PLXNA4: variants seen among roughly 807,000 people sequenced by gnomAD.
PLXNA4 encodes plexin A4.
Under a neutral mutation model 191.8 loss-of-function variants are expected in PLXNA4, and 44 were observed. The ratio of observed to expected loss-of-function variants is 0.23; its 90% CI spans 0.18 to 0.29. The LOEUF is 0.29. Ranked by LOEUF, PLXNA4 falls within the 10% of genes least tolerant of loss-of-function variation. PLXNA4 has a pLI of 1.00. For missense variants in PLXNA4, 1,800 were observed against 2,488.8 expected (o/e 0.72, Z 5.89); for synonymous variants, 1,082 against 1,009.5 (o/e 1.07, Z -1.36).
At chr7:132,336,162 C>G (rs1035412121) in intron 3 of PLXNA4, among the ~76,000 whole-genome samples, 4 of 152,214 alleles carry the variant, frequency 2.6e-5, no homozygotes, top group Non-Finnish European at 5.9e-5. Flanking sequence ...CTTCTGCTCT[C>G]TAAGTATTCT....
chr7:132,165,008 C>A, intron 23 of PLXNA4, 126 bp downstream of exon 23: 1 of 1,381,840 alleles, frequency 7.2e-7, no homozygotes, highest in Non-Finnish European at 9.7e-7. Context: ...AGGATGAATT[C>A]CATTTCTTGT....
In PLXNA4 at chr7:132,156,886, G is replaced by A. The variant is rs187789760; in HGVS notation, c.4660+2587C>T. 3.9e-5 allele frequency among the ~76,000 whole-genome samples: 6 copies of A among 152,304 alleles called. No homozygotes were observed. In the East Asian group the frequency reaches 1.2e-3, roughly 29 times the overall value. On this transcript the variant is annotated intron_variant, in intron 25 of 31. Coordinates refer to ENST00000321063, the MANE Select transcript of PLXNA4 (RefSeq NM_020911.2). ...TAGCTTTGGTAAGAAGAAGCCTAGA[G>A]CTTTGTAAGCAGCTCTAAACTCTAG...
At chr7:132,308,509 A>G (rs1801610440) in intron 3 of PLXNA4, among the ~76,000 whole-genome samples, 1 of 152,122 alleles carries the variant, frequency 6.6e-6, no homozygotes, top group Non-Finnish European at 1.5e-5. Flanking sequence ...TCCTTCTGAC[A>G]CCTGGCAGAT....
intron 1 of PLXNA4, among the ~76,000 whole-genome samples, chr7:132,539,181 C>T (rs1799968586): frequency 6.6e-6 from 1 of 152,188 alleles, no homozygotes; most frequent in South Asian, 2.1e-4. Flanking sequence ...AAGAGATTGA[C>T]AGTGGAGTAC....
intron 4 of PLXNA4, among the ~76,000 whole-genome samples, chr7:132,288,424 G>T (rs1346134703): frequency 6.6e-6 from 1 of 152,180 alleles, no homozygotes; most frequent in Non-Finnish European, 1.5e-5. Context: ...TGACATTCTG[G>T]AACCTTCAGA....
chr7:132,447,669 T>C (rs1795960280), intron 3 of PLXNA4, among the ~76,000 whole-genome samples: 1 of 152,046 alleles, frequency 6.6e-6, no homozygotes, highest in Non-Finnish European at 1.5e-5. Context: ...CAGCACATCT[T>C]AGGAAGGTGA....
chr7:132,188,973 GGAAAGGAAAGGAAAGGAAAGGAGAGAGA>G (rs1285320220), intron 14 of PLXNA4, among the ~76,000 whole-genome samples: 41 of 57,434 alleles, frequency 7.1e-4, no homozygotes, highest in African/African-American at 3.0e-3. Context: ...GGAAAGGAAA[GGAAAGGAAAGGAAAGGAAAGGAGAGAGA>G]GAGAGAGAGA....
At chr7:132,545,433 A>G (rs7805175) in intron 1 of PLXNA4, among the ~76,000 whole-genome samples, 135,298 of 152,236 alleles carry the variant, frequency 0.89, 61,245 homozygotes, top group East Asian at 1. Flanking sequence ...TAGCTCATAA[A>G]AAAACACACT....
intron 2 of PLXNA4, among the ~76,000 whole-genome samples, chr7:132,506,950 C>T (rs1798487757): frequency 6.6e-6 from 1 of 152,188 alleles, no homozygotes; most frequent in Admixed American, 6.5e-5. Flanking sequence ...GCACTCTTAC[C>T]TGACTGTGCT....
At chr7:132,224,628 T>C (rs1798252974) in intron 8 of PLXNA4, among the ~76,000 whole-genome samples, 1 of 152,174 alleles carries the variant, frequency 6.6e-6, no homozygotes. Context: ...TAATGAAAGC[T>C]TCACACATGA....
intron 3 of PLXNA4, among the ~76,000 whole-genome samples, chr7:132,330,110 G>A (rs919828069): frequency 1.3e-5 from 2 of 152,174 alleles, no homozygotes; most frequent in South Asian, 2.1e-4. Flanking sequence ...GGGAATGAGT[G>A]GGCATTGTGA....
In PLXNA4 at chr7:132,532,140, A is replaced by G. The variant is rs147076748; in HGVS notation, c.-86-23361T>C. Among the ~76,000 whole-genome samples the G allele has an allele frequency of 5.4e-3, 828 of 152,366 alleles. 11 individuals carry two copies. The highest frequency in any genetic ancestry group is 5.7e-3 in the Non-Finnish European group (391 of 68,036). ...AAGCCAACACAGGTTGAAGACATAAAAGACGTTTTTACCCATTCCAACAAA... is the reference window on the plus strand; with the variant it reads ...AAGCCAACACAGGTTGAAGACATAAGAGACGTTTTTACCCATTCCAACAAA... On this transcript the variant is annotated intron_variant, in intron 1 of 31. Coordinates refer to ENST00000321063, the MANE Select transcript of PLXNA4 (RefSeq NM_020911.2).
At chr7:132,197,326 A>G (rs1472864793) in intron 13 of PLXNA4, among the ~76,000 whole-genome samples, 1 of 152,202 alleles carries the variant, frequency 6.6e-6, no homozygotes, top group African/African-American at 2.4e-5. Context: ...GATTTGAAAT[A>G]TCACCTCTAT....
At chr7:132,624,709 G>A (rs1193512475) in intron 2 of PLXNA4, among the ~76,000 whole-genome samples, 1 of 152,152 alleles carries the variant, frequency 6.6e-6, no homozygotes, top group Non-Finnish European at 1.5e-5. Context: ...CTGATTTAGT[G>A]TTCAGTAAGC....
chr7:132,180,704 C>A lies in PLXNA4; in HGVS notation c.3521G>T (p.Gly1174Val). The A allele has an allele frequency of 6.2e-7, 1 of 1,614,186 alleles. No individual in the cohort carries two copies. Among genetic ancestry groups the A allele is most frequent in the South Asian group, 1.1e-5 (1 of 91,080 alleles). Residue 1174 changes from glycine (G) to valine (V), a missense_variant, in exon 19 of 32, where the codon GGG becomes GTG. By Grantham distance (109) the Gly-to-Val change is moderately radical (BLOSUM62 -3). Transcript: ENST00000321063. ...KGKNLIPPVAGGNVKLNYTVL... is the reference protein window; with the variant it reads ...KGKNLIPPVAVGNVKLNYTVL... ...AGTGTAGTTCAGCTTCACGTTGCCC[C>A]CAGCCACAGGCGGGATCAGGTTCTT...
At chr7:132,181,153 G>A (rs1176612674) in intron 18 of PLXNA4, among the ~76,000 whole-genome samples, 1 of 152,220 alleles carries the variant, frequency 6.6e-6, no homozygotes, top group East Asian at 1.9e-4. Context: ...AAGCTTGAGA[G>A]TCAAATAGCC....
intron 2 of PLXNA4, among the ~76,000 whole-genome samples, chr7:132,631,999 C>T (rs901985221): frequency 1.3e-5 from 2 of 152,130 alleles, no homozygotes; most frequent in African/African-American, 2.4e-5. Context: ...TTTTGGGAGG[C>T]CAAGGCGGGT....
At chr7:132,452,908 A>G (rs1418367605) in intron 3 of PLXNA4, among the ~76,000 whole-genome samples, 1 of 152,134 alleles carries the variant, frequency 6.6e-6, no homozygotes, top group Non-Finnish European at 1.5e-5. Context: ...GGAACCAGGG[A>G]ATGGATATGT....
At chr7:132,558,045 A>C (rs1800879028) in intron 1 of PLXNA4, among the ~76,000 whole-genome samples, 1 of 152,194 alleles carries the variant, frequency 6.6e-6, no homozygotes, top group South Asian at 2.1e-4. Flanking sequence ...TGGGAATATG[A>C]GATGTAAATA....
Sources: allele counts gnomAD v4.1 joint callset (sites outside exome capture counted in the v4.1 genomes callset), GRCh38; gene constraint gnomAD v4.1.1; transcripts MANE v1.5; gene names NCBI Gene and HGNC (gene_info 2026-07-23, HGNC 2026-07-21).